KCNMB2: variants seen among roughly 807,000 people sequenced by gnomAD.
KCNMB2 encodes calcium-activated potassium channel subunit beta-2.
Under a neutral mutation model 24.5 loss-of-function variants are expected in KCNMB2, and 9 were observed. That is an observed-to-expected ratio of 0.37 (90% CI 0.22 to 0.64). The LOEUF is 0.64. Ranked by LOEUF, KCNMB2 falls within the 30% of genes least tolerant of loss-of-function variation. The pLI is 0.63. For missense variants in KCNMB2, 226 were observed against 284.3 expected (o/e 0.79, Z 1.47); for synonymous variants, 109 against 104.4 (o/e 1.04, Z -0.27).
intron 1 of KCNMB2, among the ~76,000 whole-genome samples, chr3:178,669,126 G>A (rs1720815975): frequency 1.3e-5 from 2 of 152,102 alleles, no homozygotes; most frequent in African/African-American, 4.8e-5. Context: ...TAGTGTGTAG[G>A]GTGGGTAGTA....
chr3:178,722,352 G>C (rs1722834349), intron 1 of KCNMB2, among the ~76,000 whole-genome samples: 1 of 152,160 alleles, frequency 6.6e-6, no homozygotes, highest in African/African-American at 2.4e-5. Flanking sequence ...ATAAAGAAAA[G>C]AAATTTATTT....
At chr3:178,751,396 T>G (rs890419855) in intron 1 of KCNMB2, among the ~76,000 whole-genome samples, 1 of 151,690 alleles carries the variant, frequency 6.6e-6, no homozygotes, top group Non-Finnish European at 1.5e-5. Context: ...CTGGCCAACA[T>G]AGTGAAACCC....
rs1721500225 is a variant in KCNMB2 at position 178,687,173 on chromosome 3, C to A, written c.-67-120170C>A. On this transcript the variant is annotated intron_variant, in intron 1 of 4. Coordinates refer to ENST00000452583, the MANE Select transcript of KCNMB2 (RefSeq NM_181361.3). ...GAAATAGGAACTAAGAAAACTATAT[C>A]TCTGGCTGCAGCCATGACATTTTCC... is the stretch of plus-strand genomic sequence containing the variant. Among the ~76,000 whole-genome samples, 3 of 152,064 alleles carry A rather than the reference C, an allele frequency of 2.0e-5. No individual in the cohort carries two copies. In the South Asian group the frequency reaches 6.2e-4, roughly 32 times the overall value.
At chr3:178,794,174 T>C (rs529695048) in intron 1 of KCNMB2, among the ~76,000 whole-genome samples, 4 of 152,222 alleles carry the variant, frequency 2.6e-5, no homozygotes, top group South Asian at 2.1e-4. Context: ...CATGACAAGA[T>C]TGGCAACTTC....
At chr3:178,635,408 T>TACACACACACAC (rs58294929) in intron 1 of KCNMB2, among the ~76,000 whole-genome samples, 2,755 of 144,914 alleles carry the variant, frequency 0.019, 53 homozygotes, top group African/African-American at 0.05. Context: ...TGCTTATGCA[T>TACACACACACAC]ACACACACAC....
intron 1 of KCNMB2, among the ~76,000 whole-genome samples, chr3:178,608,577 A>T (rs966671289): frequency 6.6e-6 from 1 of 152,192 alleles, no homozygotes; most frequent in African/African-American, 2.4e-5. Flanking sequence ...TTAAGTTATC[A>T]TTGACAATAA....
chr3:178,693,521 C>T (rs1364391287), intron 1 of KCNMB2, among the ~76,000 whole-genome samples: 1 of 152,068 alleles, frequency 6.6e-6, no homozygotes, highest in Non-Finnish European at 1.5e-5. Context: ...TGGTTTTTGT[C>T]TTTAGCTCTG....
At position 178,622,865 on chromosome 3, in the gene KCNMB2, T is replaced by G. The variant is rs574350274; in HGVS notation, c.-68+86154T>G. ...AACAAAGTGGGACACTGATTTTTTT[T>G]GGGAGGGATTGAATATGAGAAGAGA... On this transcript the variant is annotated intron_variant, in intron 1 of 4. Coordinates refer to ENST00000452583, the MANE Select transcript of KCNMB2 (RefSeq NM_181361.3). 6.0e-4 allele frequency among the ~76,000 whole-genome samples: 91 copies of G among 152,290 alleles called. 1 individual carries two copies. The highest frequency in any genetic ancestry group is 2.0e-3 in the African/African-American group (83 of 41,562).
At chr3:178,718,954 T>G (rs900947004) in intron 1 of KCNMB2, among the ~76,000 whole-genome samples, 2 of 150,698 alleles carry the variant, frequency 1.3e-5, no homozygotes, top group Non-Finnish European at 2.9e-5. Context: ...CAAGTGGCTA[T>G]AAGATGGGGT....
intron 1 of KCNMB2, among the ~76,000 whole-genome samples, chr3:178,582,811 G>GA (rs1176326939): frequency 1.3e-5 from 2 of 152,046 alleles, no homozygotes; most frequent in Admixed American, 6.6e-5. Flanking sequence ...CCATTTATAT[G>GA]AAAAAATAAT....
chr3:178,583,562 A>G (rs1717293763), intron 1 of KCNMB2, among the ~76,000 whole-genome samples: 1 of 152,188 alleles, frequency 6.6e-6, no homozygotes, highest in South Asian at 2.1e-4. Context: ...TTTCTCATTG[A>G]CTGGATCTTT....
intron 2 of KCNMB2, among the ~76,000 whole-genome samples, chr3:178,814,713 T>C (rs1051446046): frequency 1.4e-4 from 22 of 152,244 alleles, no homozygotes; most frequent in Admixed American, 9.8e-4. Context: ...ATTTCTCTAA[T>C]GATTAGTAAT....
At chr3:178,772,167 T>C (rs1343160317) in intron 1 of KCNMB2, among the ~76,000 whole-genome samples, 1 of 152,226 alleles carries the variant, frequency 6.6e-6, no homozygotes, top group Non-Finnish European at 1.5e-5. Context: ...CAACATGATA[T>C]ATATACAGTC....
At chr3:178,837,462 T>C (rs1475323057) in intron 4 of KCNMB2, among the ~76,000 whole-genome samples, 3 of 152,220 alleles carry the variant, frequency 2.0e-5, no homozygotes, top group African/African-American at 4.8e-5. Flanking sequence ...ACTACTCATA[T>C]ATTCATGATC....
intron 1 of KCNMB2, among the ~76,000 whole-genome samples, chr3:178,742,335 C>T (rs1015371063): frequency 2.6e-5 from 4 of 152,214 alleles, no homozygotes; most frequent in African/African-American, 9.6e-5. Context: ...TATGTCTTTG[C>T]TCTAGAGAAA....
intron 1 of KCNMB2, among the ~76,000 whole-genome samples, chr3:178,666,495 T>G (rs1345487088): frequency 1.3e-5 from 2 of 152,110 alleles, no homozygotes; most frequent in Non-Finnish European, 2.9e-5. Flanking sequence ...AGGAAGGGTG[T>G]ACAATGAAAG....
chr3:178,629,286 T>C (rs1166976663), intron 1 of KCNMB2, among the ~76,000 whole-genome samples: 1 of 152,206 alleles, frequency 6.6e-6, no homozygotes, highest in Non-Finnish European at 1.5e-5. Context: ...TTGTTTATTA[T>C]AAATAGCATA....
At chr3:178,689,311 A>G (rs1174552709) in intron 1 of KCNMB2, among the ~76,000 whole-genome samples, 3 of 152,146 alleles carry the variant, frequency 2.0e-5, no homozygotes, top group African/African-American at 4.8e-5. Context: ...GGGTGTTACC[A>G]GCTAGAACCG....
rs778808020 is a variant in KCNMB2 at position 178,842,711 on chromosome 3, T to C, written c.482T>C (p.Val161Ala). ...GAAGAATCCATGTCCCTGGTGAATG[T>C]TGTCATGGAAAACTTCAGGAAGTAT... ...NFEESMSLVN[V>A]VMENFRKYQH... The change falls in exon 5 of 5, where the codon GTT (valine) becomes GCT (alanine). Residue 161 changes from valine to alanine, a missense_variant. Val to Ala is a moderately conservative substitution (Grantham distance 64). Coordinates refer to ENST00000452583, the MANE Select transcript of KCNMB2 (RefSeq NM_181361.3). 11 of 1,612,984 alleles carry C rather than the reference T, an allele frequency of 6.8e-6. No individual in the cohort carries two copies. Among genetic ancestry groups the C allele is most frequent in the South Asian group, 1.1e-5 (1 of 91,066 alleles).
Sources: gnomAD v4.1 joint callset for allele counts (sites outside exome capture counted in the v4.1 genomes callset) on GRCh38, gnomAD v4.1.1 for gene constraint, MANE v1.5 for transcripts, NCBI Gene and HGNC (gene_info 2026-07-23, HGNC 2026-07-21) for gene names.